Variants in DOP1B observed in about 807,000 individuals in gnomAD.
DOP1B encodes the protein protein DOP1B.
A neutral mutation model predicts 233.5 loss-of-function variants in DOP1B; 174 were observed. That is an observed-to-expected ratio of 0.75 (90% CI 0.66 to 0.85). The LOEUF is 0.85. Ranked by LOEUF, DOP1B falls within the 40% of genes least tolerant of loss-of-function variation. The pLI, the probability that DOP1B is intolerant of heterozygous loss-of-function variation, is 0.00. For synonymous variants in DOP1B, 1,190 were observed against 1,185.6 expected, an observed-to-expected ratio of 1.00 and a Z score of -0.08; for missense variants, 2,652 against 2,846.6, an observed-to-expected ratio of 0.93 and a Z score of 1.56.
Position 36,248,514 on chromosome 21 carries a change from C to T in DOP1B, c.4944C>T (p.Val1648=), listed in dbSNP as rs752593884. The change falls in exon 21 of 37, where the codon GTC becomes GTT. Residue 1648 remains valine, a synonymous_variant. Coordinates refer to ENST00000691173, the MANE Select transcript of DOP1B (RefSeq NM_001320714.2). ...LRKEETQKRP[V]DLLGATKGSS... ...AGGAGGAGACTCAAAAGAGACCTGT[C>T]GATCTCCTAGGGGCCACGAAGGGAT... is the stretch of plus-strand genomic sequence containing the variant. 1.9e-6 allele frequency: 3 copies of T among 1,614,038 alleles called. No individual in the cohort carries two copies. Among genetic ancestry groups the T allele is most frequent in the Non-Finnish European group, 1.7e-6 (2 of 1,179,972 alleles).
Position 36,199,164 on chromosome 21 carries a change from G to C in DOP1B, c.233G>C (p.Gly78Ala). ...AQCLHPALPS[G>A]VHLKALETYE... ...TGTTTGCACCCTGCCCTGCCCAGTGGTGTCCACTTAAAAGCTCTGGAAACC... is the reference window on the plus strand; with the variant it reads ...TGTTTGCACCCTGCCCTGCCCAGTGCTGTCCACTTAAAAGCTCTGGAAACC... Residue 78 changes from glycine to alanine, a missense_variant, in exon 3 of 37, where the codon GGT becomes GCT. By Grantham distance (60) the Gly-to-Ala change is moderately conservative. Coordinates refer to ENST00000691173, the MANE Select transcript of DOP1B (RefSeq NM_001320714.2). The C allele has an allele frequency of 6.2e-7, 1 of 1,614,136 alleles. No homozygotes were observed. The highest frequency in any genetic ancestry group is 1.3e-5 in the African/African-American group (1 of 75,012).
At chr21:36,269,365 G>A (rs918414894) in intron 26 of DOP1B, among the ~76,000 whole-genome samples, 6 of 151,686 alleles carry the variant, frequency 4.0e-5, no homozygotes, top group Admixed American at 3.3e-4. Context: ...ATGTTGGTCA[G>A]GCTGGTCTCA....
chr21:36,157,860 G>A (rs1475101737), intron 1 of DOP1B, among the ~76,000 whole-genome samples: 1 of 152,188 alleles, frequency 6.6e-6, no homozygotes, highest in South Asian at 2.1e-4. Flanking sequence ...CATTTTCATC[G>A]AACTGAGAAA....
Position 36,246,288 on chromosome 21 carries a change from G to C in DOP1B, c.4308G>C (p.Pro1436=), listed in dbSNP as rs757891246. The C allele has an allele frequency of 5.6e-6, 9 of 1,613,828 alleles. No individual in the cohort carries two copies. In the East Asian group the frequency reaches 2.0e-4, roughly 36 times the overall value. ...LGQDQIWSEH[P]LQIELLKLLQ... The stretch of plus-strand genomic sequence containing the variant: ...AGGACCAGATCTGGAGTGAGCACCC[G>C]CTGCAGATTGAGCTGCTGAAGCTGC... Residue 1436 remains proline, a synonymous_variant, in exon 19 of 37, where the codon CCG becomes CCC. Transcript: ENST00000691173. This position sits in a 1 kb window ranked among gnomAD's most constrained non-coding sequence, Gnocchi z 5.1.
At position 36,254,008 on chromosome 21, in the gene DOP1B, G is replaced by A. The variant is rs1341958672; in HGVS notation, c.5259+99G>A. The A allele has an allele frequency of 2.8e-6, 4 of 1,441,696 alleles. No individual in the cohort carries two copies. In the African/African-American group the frequency reaches 5.7e-5, roughly 20 times the overall value. The allele number at this position is 1,441,696 out of a possible 1,614,324, so 89.3% of individuals were successfully genotyped here. Reference sequence around the variant, plus strand: ...AAATCGTGTTTGGGAGGGAAGGATAGGTAACAAGAGCTAGTGGGAATGCTT... The same window carrying A: ...AAATCGTGTTTGGGAGGGAAGGATAAGTAACAAGAGCTAGTGGGAATGCTT... On this transcript the variant is annotated intron_variant, in intron 23 of 36. Coordinates refer to ENST00000691173, the MANE Select transcript of DOP1B (RefSeq NM_001320714.2).
intron 2 of DOP1B, among the ~76,000 whole-genome samples, chr21:36,178,268 A>G (rs2066054027): frequency 6.6e-6 from 1 of 152,162 alleles, no homozygotes; most frequent in African/African-American, 2.4e-5. Flanking sequence ...AGGCAGGTGG[A>G]TCACTTGAGC....
chr21:36,292,097 C>G lies in DOP1B; in HGVS notation c.6516-7C>G. 6.3e-7 allele frequency: 1 copy of G among 1,588,720 alleles called. No homozygotes were observed. Among genetic ancestry groups the G allele is most frequent in the Non-Finnish European group, 8.5e-7 (1 of 1,172,848 alleles). On this transcript the variant is annotated splice_region_variant and splice_polypyrimidine_tract_variant and intron_variant, in intron 35 of 36. Coordinates refer to ENST00000691173, the MANE Select transcript of DOP1B (RefSeq NM_001320714.2). ...AGCAGACCTGACCTTCTGTTTGTTC[C>G]CTGCAGTTATAGGTGGGCATTTATT...
rs150837190 is a variant in DOP1B, at chr21:36,246,366, G to A, written c.4386G>A (p.Ala1462=). The A allele has an allele frequency of 2.0e-5, 32 of 1,613,376 alleles. No homozygotes were observed. The highest frequency in any genetic ancestry group is 1.6e-4 in the Middle Eastern group (1 of 6,076). Reference sequence around the variant, plus strand: ...ACCTGGGTCGGGCCCATGAGGAGGCGGAAAACCAGCCCGACCTGTCCCGGG... The same window carrying A: ...ACCTGGGTCGGGCCCATGAGGAGGCAGAAAACCAGCCCGACCTGTCCCGGG... The part of the protein sequence containing the change: ...EHHLGRAHEE[A]ENQPDLSREW... The change falls in exon 19 of 37, where the codon GCG becomes GCA. Residue 1462 remains alanine (A), a synonymous_variant. Transcript: ENST00000691173. The surrounding 1 kb of genome is among the most constrained non-coding windows in gnomAD (Gnocchi z 5.1).
At chr21:36,283,922 G>A (rs372858793) in intron 32 of DOP1B, among the ~76,000 whole-genome samples, 70 of 148,134 alleles carry the variant, frequency 4.7e-4, no homozygotes, top group African/African-American at 1.7e-3. Context: ...CAGTCTAAGA[G>A]CAGACACCTG....
chr21:36,215,577 G>T (rs1001954444), intron 9 of DOP1B, among the ~76,000 whole-genome samples: 3 of 151,586 alleles, frequency 2.0e-5, no homozygotes, highest in Non-Finnish European at 4.4e-5. Context: ...GCTAATTTTT[G>T]TATTTTCAGT....
Position 36,211,670 on chromosome 21 carries a change from T to G in DOP1B, c.780+19T>G. ...CTGTCTGGTAAGTAATTTGTACTCT[T>G]CTGGTAAGTCACTGGTGTTTCCCAA... is the stretch of plus-strand genomic sequence containing the variant. On this transcript the variant is annotated intron_variant, in intron 6 of 36. Coordinates refer to ENST00000691173, the MANE Select transcript of DOP1B (RefSeq NM_001320714.2). 6.2e-7 allele frequency: 1 copy of G among 1,610,704 alleles called. No individual in the cohort carries two copies. The highest frequency in any genetic ancestry group is 1.7e-5 in the Admixed American group (1 of 60,016).
intron 32 of DOP1B, among the ~76,000 whole-genome samples, chr21:36,285,368 G>T (rs1354255404): frequency 6.6e-6 from 1 of 152,012 alleles, no homozygotes; most frequent in African/African-American, 2.4e-5. Flanking sequence ...CCGGGAAAAA[G>T]AATTTCTAAA....
chr21:36,283,982 C>G (rs965989708), intron 32 of DOP1B, among the ~76,000 whole-genome samples: 7 of 120,746 alleles, frequency 5.8e-5, no homozygotes, highest in Non-Finnish European at 9.6e-5. Context: ...GAGTCTTGCT[C>G]TGTCACCCAG....
chr21:36,270,277 G>A (rs917319343), intron 27 of DOP1B, 120 bp downstream of exon 27: 1 of 1,187,284 alleles, frequency 8.4e-7, no homozygotes, highest in African/African-American at 1.5e-5. Context: ...GGTAGGCTGG[G>A]TGCGGTGGCT....
At chr21:36,199,002 C>A in intron 2 of DOP1B, 68 bp from the exon 3 acceptor site, 1 of 1,518,470 alleles carries the variant, frequency 6.6e-7, no homozygotes. Flanking sequence ...CTGGCTTCAG[C>A]AGATCCACTC....
chr21:36,219,804 G>A (rs970349671), intron 10 of DOP1B, among the ~76,000 whole-genome samples: 2 of 151,546 alleles, frequency 1.3e-5, no homozygotes, highest in South Asian at 2.1e-4. Flanking sequence ...TATGAAACTC[G>A]TTTAACAAAG....
chr21:36,233,565 T>A (rs558456049), intron 15 of DOP1B, among the ~76,000 whole-genome samples: 1 of 152,236 alleles, frequency 6.6e-6, no homozygotes, highest in South Asian at 2.1e-4. Flanking sequence ...AGGAAGGAGA[T>A]GATGAGCAGG....
chr21:36,207,867 C>T (rs930459927), intron 4 of DOP1B, among the ~76,000 whole-genome samples: 3 of 152,154 alleles, frequency 2.0e-5, no homozygotes, highest in Non-Finnish European at 4.4e-5. Flanking sequence ...ACCCAGCCTG[C>T]AGATTGTGTG....
chr21:36,185,745 T>C (rs1382281932), intron 2 of DOP1B, among the ~76,000 whole-genome samples: 2 of 152,144 alleles, frequency 1.3e-5, no homozygotes, highest in East Asian at 3.8e-4. Flanking sequence ...ACTTCCTCTA[T>C]GGGAAGACAG....
Sources: gnomAD v4.1 joint callset for allele counts (sites outside exome capture counted in the v4.1 genomes callset) on GRCh38, gnomAD v4.1.1 for gene constraint, Gnocchi (gnomAD v3.1) non-coding constraint, MANE v1.5 for transcripts, NCBI Gene and HGNC (gene_info 2026-07-23, HGNC 2026-07-21) for gene names.